Variants in ZNF516 observed in about 807,000 individuals in gnomAD.
ZNF516 encodes zinc finger protein 516.
A neutral mutation model predicts 79.7 loss-of-function variants in ZNF516; 19 were observed. The observed-to-expected ratio is 0.24, with a 90% CI of 0.17 to 0.35. The LOEUF is 0.35. ZNF516 is among the 10% of genes least tolerant of loss of function. The pLI is 1.00. For synonymous variants in ZNF516, 877 were observed against 739.5 expected, an observed-to-expected ratio of 1.19 and a Z score of -3.02; for missense variants, 1,678 against 1,679.5, an observed-to-expected ratio of 1.00 and a Z score of 0.02.
chr18:76,380,251 G>C lies in ZNF516; in HGVS notation c.1863C>G (p.Leu621=). 2 of 1,613,928 alleles carry C rather than the reference G, an allele frequency of 1.2e-6. No individual in the cohort carries two copies. The highest frequency in any genetic ancestry group is 1.7e-6 in the Non-Finnish European group (2 of 1,179,886). The change falls in exon 4 of 7, where the codon CTC becomes CTG. Residue 621 remains leucine, a synonymous_variant. Coordinates refer to ENST00000443185, the MANE Select transcript of ZNF516 (RefSeq NM_014643.4). ...CFSEEVTSTE[L]SSGDQSHKMG... ...TCTTGTGACTCTGGTCTCCACTGGA[G>C]AGCTCGGTCGAAGTCACCTCTTCGG... is the stretch of plus-strand genomic sequence containing the variant.
chr18:76,486,183 A>C (rs1914822467), intron 1 of ZNF516, among the ~76,000 whole-genome samples: 1 of 152,246 alleles, frequency 6.6e-6, no homozygotes, highest in Non-Finnish European at 1.5e-5. Flanking sequence ...TCAACTGAGA[A>C]AGAATCTGCT....
At chr18:76,496,221 T>G, upstream of ZNF516, 2 of 1,229,672 alleles carry the variant, frequency 1.6e-6, no homozygotes, top group Non-Finnish European at 2.1e-6. Flanking sequence ...TCACGGCCGG[T>G]GACGTAGACC....
At chr18:76,421,887 A>C (rs1450745106) in intron 3 of ZNF516, among the ~76,000 whole-genome samples, 1 of 152,108 alleles carries the variant, frequency 6.6e-6, no homozygotes, top group East Asian at 1.9e-4. Context: ...CTGGTGCCCA[A>C]GTCATCAGGA....
chr18:76,489,909 T>C (rs537698772), intron 1 of ZNF516, among the ~76,000 whole-genome samples: 22 of 152,360 alleles, frequency 1.4e-4, no homozygotes, highest in Admixed American at 1.0e-3. Flanking sequence ...ATTTTGGTGT[T>C]GTGTTTCATT....
In ZNF516 at chr18:76,493,232, A is replaced by T; in HGVS notation, c.-272+1912T>A. 4.2e-6 allele frequency: 4 copies of T among 955,720 alleles called. No homozygotes were observed. Among genetic ancestry groups the T allele is most frequent in the Non-Finnish European group, 5.0e-6 (4 of 806,066 alleles). The allele number at this position is 955,720 out of a possible 1,614,324, so 59.2% of individuals were successfully genotyped here. On this transcript the variant is annotated intron_variant, in intron 1 of 6. Coordinates refer to ENST00000443185, the MANE Select transcript of ZNF516 (RefSeq NM_014643.4). This position sits in a 1 kb window ranked among gnomAD's most constrained non-coding sequence, Gnocchi z 5.2. The stretch of plus-strand genomic sequence containing the variant: ...CGTCAGACGATATCCATTTAAATAT[A>T]TTTTGTACTTCCACAAAGGATGGAA...
chr18:76,357,912 CAT>C lies in ZNF516; in HGVS notation c.*4584_*4585del, dbSNP rs554747451. Among the ~76,000 whole-genome samples the C allele has an allele frequency of 2.7e-4, 41 of 152,146 alleles. No individual in the cohort carries two copies. The highest frequency in any genetic ancestry group is 8.9e-4 in the African/African-American group (37 of 41,506). Reference sequence around the variant, plus strand: ...GTGGGTGTATTCAGTGGGGAAATAACATGTGTGCTGTGAAAGAAAATGAGAAA... The same window carrying C: ...GTGGGTGTATTCAGTGGGGAAATAACGTGTGCTGTGAAAGAAAATGAGAAA... On this transcript the variant is annotated 3_prime_UTR_variant, in exon 7 of 7. Coordinates refer to ENST00000443185, the MANE Select transcript of ZNF516 (RefSeq NM_014643.4).
intron 1 of ZNF516, among the ~76,000 whole-genome samples, chr18:76,466,342 A>G (rs1599135015): frequency 6.6e-6 from 1 of 151,928 alleles, no homozygotes. Context: ...GAGTCTCAGG[A>G]CCTCCTGCCC....
intron 3 of ZNF516, among the ~76,000 whole-genome samples, chr18:76,418,842 T>C (rs189149744): frequency 2.7e-4 from 41 of 152,296 alleles, no homozygotes; most frequent in African/African-American, 9.9e-4. Flanking sequence ...TGCTAGTAAG[T>C]AGAAATTAAA....
At position 76,463,022 on chromosome 18, in the gene ZNF516, ACCT is replaced by A. The variant is rs1156361043; in HGVS notation, c.-158+3_-158+5del. On this transcript the variant is annotated splice_donor_5th_base_variant and intron_variant, in intron 2 of 6. Coordinates refer to ENST00000443185, the MANE Select transcript of ZNF516 (RefSeq NM_014643.4). ...ATTGACAGGAAGGTGATCCAACTGC[ACCT>A]ACCTGGGCTTTCCTGGGAATGTGGA... 2 of 152,184 alleles carry A rather than the reference ACCT, an allele frequency of 1.3e-5. No individual in the cohort carries two copies. The highest frequency in any genetic ancestry group is 4.8e-5 in the African/African-American group (2 of 41,428). 9.4% of individuals were successfully genotyped at this position (152,184 alleles called of 1,614,324 possible).
Position 76,441,474 on chromosome 18 carries a change from A to G in ZNF516, c.1581T>C (p.Tyr527=), listed in dbSNP as rs376795026. The change falls in exon 3 of 7, where the codon TAT becomes TAC. Residue 527 remains tyrosine, a synonymous_variant. Coordinates refer to ENST00000443185, the MANE Select transcript of ZNF516 (RefSeq NM_014643.4). ...CFECGKIFRT[Y]HQMVLHSRVH... ...CGCGTGAGTGCAGCACCATCTGATG[A>G]TAGGTGCGGAAGATCTTGCCGCACT... The G allele has an allele frequency of 5.0e-6, 8 of 1,603,112 alleles. No homozygotes were observed. The highest frequency in any genetic ancestry group is 3.3e-4 in the Middle Eastern group (2 of 6,064).
upstream of ZNF516, among the ~76,000 whole-genome samples, chr18:76,495,954 A>C (rs987009914): frequency 2.0e-5 from 3 of 152,210 alleles, no homozygotes; most frequent in African/African-American, 4.8e-5. Flanking sequence ...GGCCATTTAA[A>C]AATGAAGGGG....
chr18:76,406,898 C>T (rs549715689), intron 3 of ZNF516, among the ~76,000 whole-genome samples: 3 of 152,268 alleles, frequency 2.0e-5, no homozygotes, highest in African/African-American at 7.2e-5. Flanking sequence ...GCCGAGTGGC[C>T]GCATCTCAGT....
chr18:76,458,694 G>T (rs1004954513), intron 2 of ZNF516, among the ~76,000 whole-genome samples: 2 of 145,794 alleles, frequency 1.4e-5, no homozygotes, highest in African/African-American at 5.1e-5. Context: ...CCTCACCGTC[G>T]TGTGTGCGTG....
chr18:76,458,270 T>G (rs1350337563), intron 2 of ZNF516, among the ~76,000 whole-genome samples: 2 of 152,192 alleles, frequency 1.3e-5, no homozygotes, highest in Non-Finnish European at 2.9e-5. Flanking sequence ...GTCCTTTCAC[T>G]TAAAGTTGCA....
At position 76,379,055 on chromosome 18, in the gene ZNF516, G is replaced by C; in HGVS notation, c.3059C>G (p.Ser1020Cys). 6.2e-7 allele frequency: 1 copy of C among 1,610,592 alleles called. No individual in the cohort carries two copies. The highest frequency in any genetic ancestry group is 8.5e-7 in the Non-Finnish European group (1 of 1,179,476). Residue 1020 changes from serine (S) to cysteine (C), a missense_variant, in exon 4 of 7, where the codon TCC becomes TGC. This residue lies in a region of ZNF516 where 1,294 missense variants were observed against 1,248.3 expected (regional missense o/e 1.04). Transcript: ENST00000443185. ...LRTLATCAAG[S>C]RGDAALQAQP... ...GGCCTGCAAGGCCGCGTCGCCCCTGGACCCCGCAGCACAGGTGGCCAGAGT... is the reference window on the plus strand; with the variant it reads ...GGCCTGCAAGGCCGCGTCGCCCCTGCACCCCGCAGCACAGGTGGCCAGAGT...
At chr18:76,384,502 C>G (rs1351581156) in intron 3 of ZNF516, among the ~76,000 whole-genome samples, 3 of 133,814 alleles carry the variant, frequency 2.2e-5, no homozygotes, top group East Asian at 4.5e-4. Flanking sequence ...CCCCCATACC[C>G]CCTCCACAGT....
chr18:76,488,165 C>T, intron 1 of ZNF516: 1 of 985,354 alleles, frequency 1.0e-6, no homozygotes, highest in Non-Finnish European at 1.2e-6. Context: ...CACAGCCTGA[C>T]ACTACAATTC....
intron 2 of ZNF516, among the ~76,000 whole-genome samples, chr18:76,448,670 A>C (rs1912210727): frequency 1.3e-5 from 2 of 152,280 alleles, no homozygotes; most frequent in African/African-American, 4.8e-5. Context: ...CAGGCTCCTT[A>C]GAGGTGTTCC....
chr18:76,433,372 C>T (rs2075687479), intron 3 of ZNF516, among the ~76,000 whole-genome samples: 1 of 152,250 alleles, frequency 6.6e-6, no homozygotes, highest in Admixed American at 6.5e-5. Flanking sequence ...AAAAGCAGGT[C>T]TGGCCCCTGT....
Sources: allele counts gnomAD v4.1 joint callset (sites outside exome capture counted in the v4.1 genomes callset), GRCh38; gene constraint gnomAD v4.1.1; regional missense constraint gnomAD v4.1.1; non-coding constraint Gnocchi (gnomAD v3.1); transcripts MANE v1.5; gene names NCBI Gene and HGNC (gene_info 2026-07-23, HGNC 2026-07-21).